Variants in HLCS observed in about 807,000 individuals in gnomAD.
HLCS encodes holocarboxylase synthetase.
In HLCS, 53 loss-of-function variants were observed where a neutral mutation model predicts 75.0. That is an observed-to-expected ratio of 0.71 (90% confidence interval 0.57 to 0.89). HLCS has a LOEUF of 0.89. Ranked by LOEUF, HLCS falls within the 40% of genes least tolerant of loss-of-function variation. HLCS has a pLI of 0.00. For synonymous variants in HLCS, 431 were observed against 428.6 expected (o/e 1.01, Z -0.07); for missense variants, 966 against 1,074.0 (o/e 0.90, Z 1.41).
At chr21:36,947,633 C>T in intron 2 of HLCS, 1 of 985,406 alleles carries the variant, frequency 1.0e-6, no homozygotes, top group Non-Finnish European at 1.2e-6. Flanking sequence ...TAGCAGCCAG[C>T]AGAAATCTGT....
At chr21:36,891,288 C>T (rs181196938) in intron 6 of HLCS, among the ~76,000 whole-genome samples, 22 of 152,286 alleles carry the variant, frequency 1.4e-4, no homozygotes, top group Non-Finnish European at 2.2e-4. Context: ...CGTGAGCCAA[C>T]GCACCAATGC....
chr21:36,801,650 T>C (rs2061204247), intron 6 of HLCS, among the ~76,000 whole-genome samples: 1 of 152,206 alleles, frequency 6.6e-6, no homozygotes, highest in African/African-American at 2.4e-5. Flanking sequence ...TGAATGGATC[T>C]CAGAGAGTCT....
At position 36,767,280 on chromosome 21, in the gene HLCS, A is replaced by G. The variant is rs1169067661; in HGVS notation, c.1898T>C (p.Met633Thr). ...GCCCATTTCCTGCGGTGTCTGAAAC[A>G]TCAGCCTGCCGAAGAGGGGGAAAGA... is the stretch of plus-strand genomic sequence containing the variant. ...PTTMRLLDGL[M>T]FQTPQEMGLI... is the part of the protein sequence containing the mutation. Residue 633 changes from methionine to threonine, a missense_variant, in exon 7 of 11, where the codon ATG (methionine) becomes ACG (threonine). Physicochemically the swap from Met to Thr is moderately conservative, Grantham distance 81 (BLOSUM62 -1). Transcript: ENST00000674895. The G allele has an allele frequency of 4.3e-6, 7 of 1,614,070 alleles. No homozygotes were observed. The highest frequency in any genetic ancestry group is 5.9e-6 in the Non-Finnish European group (7 of 1,180,040).
intron 5 of HLCS, among the ~76,000 whole-genome samples, chr21:36,925,517 C>T (rs1055881432): frequency 6.6e-6 from 1 of 152,168 alleles, no homozygotes; most frequent in African/African-American, 2.4e-5. Flanking sequence ...GGGGGCAGCA[C>T]GTCCAGTTCC....
intron 2 of HLCS, chr21:36,943,242 G>C (rs1391432136): frequency 6.6e-6 from 1 of 152,170 alleles, no homozygotes; most frequent in African/African-American, 2.4e-5. Flanking sequence ...AACTGGACCT[G>C]AACATACGAA....
At chr21:36,764,987 T>C (rs1384463545) in intron 8 of HLCS, 25 bp downstream of exon 8, 10 of 1,612,842 alleles carry the variant, frequency 6.2e-6, no homozygotes, top group South Asian at 2.2e-5. Context: ...CCCAGGGACA[T>C]AGAAGGAGAC....
chr21:36,792,476 G>T (rs1362025437), intron 6 of HLCS, among the ~76,000 whole-genome samples: 2 of 148,980 alleles, frequency 1.3e-5, no homozygotes, highest in Admixed American at 6.7e-5. Context: ...GAAGGGAGAG[G>T]GGGAGGGAAG....
chr21:36,831,990 A>G (rs1411786515), intron 6 of HLCS, among the ~76,000 whole-genome samples: 1 of 152,108 alleles, frequency 6.6e-6, no homozygotes, highest in African/African-American at 2.4e-5. Context: ...CTAAGCTTTC[A>G]CAGCTCAGAT....
chr21:36,771,412 C>A (rs1601170591), intron 6 of HLCS, among the ~76,000 whole-genome samples: 3 of 152,104 alleles, frequency 2.0e-5, no homozygotes, highest in Admixed American at 6.6e-5. Context: ...TACTTCCTGA[C>A]CCGGGGACTG....
intron 1 of HLCS, 22 bp from the exon 2 acceptor site, chr21:36,962,192 TA>T: frequency 1.6e-6 from 2 of 1,237,940 alleles, no homozygotes; most frequent in Non-Finnish European, 2.1e-6. Flanking sequence ...GAAAGAAATA[TA>T]ATGAGATTGT....
intron 6 of HLCS, among the ~76,000 whole-genome samples, chr21:36,848,004 G>A (rs924397078): frequency 1.2e-4 from 18 of 152,044 alleles, no homozygotes; most frequent in Admixed American, 9.8e-4. Context: ...TTAATCAAAC[G>A]GATATACAAT....
At chr21:36,866,290 A>T (rs923497043) in intron 6 of HLCS, among the ~76,000 whole-genome samples, 3 of 152,230 alleles carry the variant, frequency 2.0e-5, no homozygotes, top group Admixed American at 6.5e-5. Context: ...TATTTTTTCA[A>T]AAAGGAAATT....
At chr21:36,820,744 GCAGA>G (rs1391295177) in intron 6 of HLCS, among the ~76,000 whole-genome samples, 3 of 152,228 alleles carry the variant, frequency 2.0e-5, no homozygotes, top group Non-Finnish European at 4.4e-5. Flanking sequence ...GCTGCAGAAG[GCAGA>G]CAGGCTCCTG....
chr21:36,897,769 G>A (rs747378732), intron 5 of HLCS, among the ~76,000 whole-genome samples: 14 of 152,166 alleles, frequency 9.2e-5, no homozygotes, highest in Non-Finnish European at 1.9e-4. Context: ...AAACCTAGAA[G>A]AGACGTTGTC....
At chr21:36,927,473 C>T (rs1287218062) in intron 5 of HLCS, among the ~76,000 whole-genome samples, 2 of 152,210 alleles carry the variant, frequency 1.3e-5, no homozygotes, top group East Asian at 3.9e-4. Context: ...CTGCGCTATT[C>T]GTCATAAAGA....
intron 6 of HLCS, among the ~76,000 whole-genome samples, chr21:36,870,571 G>T (rs2063735285): frequency 6.6e-6 from 1 of 152,098 alleles, no homozygotes; most frequent in African/African-American, 2.4e-5. Context: ...TGCTACCTTT[G>T]CAGATATGAG....
intron 6 of HLCS, among the ~76,000 whole-genome samples, chr21:36,891,941 G>A (rs180940556): frequency 1.9e-4 from 29 of 152,234 alleles, no homozygotes; most frequent in African/African-American, 5.5e-4. Context: ...CCAAGCCCAC[G>A]GTTTCATTTG....
intron 6 of HLCS, among the ~76,000 whole-genome samples, chr21:36,822,914 A>G (rs2061890716): frequency 1.3e-5 from 2 of 152,234 alleles, no homozygotes; most frequent in African/African-American, 4.8e-5. Flanking sequence ...AGTAGGGTTA[A>G]AAGAAATAAA....
chr21:36,894,325 C>T (rs1375637105), intron 6 of HLCS, among the ~76,000 whole-genome samples: 3 of 152,196 alleles, frequency 2.0e-5, no homozygotes, highest in Admixed American at 6.5e-5. Flanking sequence ...CGAGAACGAA[C>T]TGATACACTC....
Sources: allele counts gnomAD v4.1 joint callset (sites outside exome capture counted in the v4.1 genomes callset), GRCh38; gene constraint gnomAD v4.1.1; transcripts MANE v1.5; gene names NCBI Gene and HGNC (gene_info 2026-07-23, HGNC 2026-07-21).